LRRC4C: variants seen among roughly 807,000 people sequenced by gnomAD.
The protein encoded by LRRC4C is leucine-rich repeat-containing protein 4C.
A neutral mutation model predicts 33.6 loss-of-function variants in LRRC4C; 5 were observed. The ratio of observed to expected loss-of-function variants is 0.15; its 90% CI spans 0.08 to 0.31. The LOEUF (loss-of-function observed/expected upper bound fraction) is 0.31. LRRC4C is among the 10% of genes least tolerant of loss of function. The probability of loss-of-function intolerance (pLI) is 1.00; values close to 1 mark genes in which losing one functional copy is unlikely to be tolerated. For synonymous variants in LRRC4C, 329 were observed against 302.0 expected, an observed-to-expected ratio of 1.09 and a Z score of -0.93; for missense variants, 560 against 796.7, an observed-to-expected ratio of 0.70 and a Z score of 3.58.
chr11:40,764,791 C>A (rs1356324001), intron 2 of LRRC4C, among the ~76,000 whole-genome samples: 2 of 152,034 alleles, frequency 1.3e-5, no homozygotes, highest in African/African-American at 4.8e-5. Context: ...GAATTTCTGC[C>A]TAGTAATCCA....
chr11:40,803,032 A>T (rs145722933), intron 2 of LRRC4C, among the ~76,000 whole-genome samples: 223 of 152,324 alleles, frequency 1.5e-3, no homozygotes, highest in Non-Finnish European at 2.7e-3. Flanking sequence ...TAATTAGGGT[A>T]AATGGATCAC....
intron 2 of LRRC4C, among the ~76,000 whole-genome samples, chr11:40,857,316 T>G (rs1953838130): frequency 6.6e-6 from 1 of 152,168 alleles, no homozygotes; most frequent in South Asian, 2.1e-4. Flanking sequence ...TATTAAGCCC[T>G]GCATGCATTA....
At chr11:40,501,521 T>C (rs1954770873) in intron 3 of LRRC4C, among the ~76,000 whole-genome samples, 1 of 152,214 alleles carries the variant, frequency 6.6e-6, no homozygotes. Flanking sequence ...ATGACTTCTG[T>C]GCACCTGCAG....
At chr11:40,261,018 C>T (rs1867669822) in intron 4 of LRRC4C, among the ~76,000 whole-genome samples, 1 of 152,074 alleles carries the variant, frequency 6.6e-6, no homozygotes, top group Non-Finnish European at 1.5e-5. Flanking sequence ...GTAGCTAGGA[C>T]TACTGGCAAG....
rs1864704343 is a variant in LRRC4C, at chr11:40,225,271, C to CT, written c.-96+16247dup. Among the ~76,000 whole-genome samples, 5 of 152,202 alleles carry CT rather than the reference C, an allele frequency of 3.3e-5. No homozygotes were observed. The South Asian group carries it at 1.0e-3, about 32-fold the overall frequency. ...ACAGGGATGATGTGGCCTCTGGAGA[C>CT]TTTAACATTAACTAATTAAGCTGAC... is the stretch of plus-strand genomic sequence containing the variant. On this transcript the variant is annotated intron_variant, in intron 5 of 6. Transcript: ENST00000528697.
chr11:40,891,358 T>C (rs970982044), intron 2 of LRRC4C, among the ~76,000 whole-genome samples: 6 of 152,180 alleles, frequency 3.9e-5, no homozygotes, highest in African/African-American at 1.4e-4. Flanking sequence ...TCTAAAAGTA[T>C]TATTTTATTA....
At chr11:40,310,448 T>A (rs1172667565) in intron 4 of LRRC4C, among the ~76,000 whole-genome samples, 1 of 152,174 alleles carries the variant, frequency 6.6e-6, no homozygotes, top group Non-Finnish European at 1.5e-5. Context: ...CTTGCCACAA[T>A]TTATAGGCTA....
intron 3 of LRRC4C, among the ~76,000 whole-genome samples, chr11:40,457,128 A>G (rs1952172753): frequency 6.6e-6 from 1 of 150,512 alleles, no homozygotes; most frequent in Non-Finnish European, 1.5e-5. Flanking sequence ...AAAAAAAAAC[A>G]GTTACTTGAG....
intron 5 of LRRC4C, among the ~76,000 whole-genome samples, chr11:40,157,925 A>G (rs533739504): frequency 3.3e-5 from 5 of 152,164 alleles, no homozygotes; most frequent in Non-Finnish European, 7.4e-5. Flanking sequence ...GATTACCCAG[A>G]GGAAAAGAAG....
At chr11:40,620,479 A>G (rs1292963638) in intron 3 of LRRC4C, among the ~76,000 whole-genome samples, 2 of 151,772 alleles carry the variant, frequency 1.3e-5, no homozygotes, top group African/African-American at 2.4e-5. Context: ...AGCTCCCTGA[A>G]TTTCTTTGAT....
intron 1 of LRRC4C, among the ~76,000 whole-genome samples, chr11:41,097,668 C>G (rs1940899289): frequency 6.6e-6 from 1 of 152,098 alleles, no homozygotes; most frequent in African/African-American, 2.4e-5. Context: ...TTTTATCAGT[C>G]CCCTAAAGGA....
chr11:40,349,667 T>C (rs1231762601), intron 3 of LRRC4C, among the ~76,000 whole-genome samples: 6 of 152,208 alleles, frequency 3.9e-5, no homozygotes, highest in Non-Finnish European at 7.3e-5. Context: ...TTATAGTGAC[T>C]GTACTAATTT....
chr11:40,812,658 T>A (rs1194473376), intron 2 of LRRC4C, among the ~76,000 whole-genome samples: 1 of 152,062 alleles, frequency 6.6e-6, no homozygotes, highest in Non-Finnish European at 1.5e-5. Flanking sequence ...GAAAATGTGA[T>A]AAGATATCAT....
intron 1 of LRRC4C, among the ~76,000 whole-genome samples, chr11:41,227,834 T>G (rs183643354): frequency 6.6e-6 from 1 of 152,166 alleles, no homozygotes; most frequent in Admixed American, 6.6e-5. Flanking sequence ...ACTATTGGAT[T>G]GATACAGTCT....
At position 41,317,168 on chromosome 11, in the gene LRRC4C, T is replaced by TCAC. The variant is rs376674931; in HGVS notation, c.-496+142262_-496+142263insGTG. On this transcript the variant is annotated intron_variant, in intron 1 of 6. Transcript: ENST00000528697. ...TCACTCCAAATTAGTCTAGATCAGG[T>TCAC]CAACCTGGGTTCAGTTCTAGTTTCC... is the stretch of plus-strand genomic sequence containing the variant. 2.2e-3 allele frequency among the ~76,000 whole-genome samples: 335 copies of TCAC among 152,296 alleles called. 1 individual carries two copies. Among genetic ancestry groups the TCAC allele is most frequent in the African/African-American group, 6.5e-3 (270 of 41,570 alleles).
At chr11:40,603,207 GC>G (rs1205816253) in intron 3 of LRRC4C, among the ~76,000 whole-genome samples, 1 of 152,094 alleles carries the variant, frequency 6.6e-6, no homozygotes, top group East Asian at 1.9e-4. Flanking sequence ...AACCACTGAG[GC>G]ATAATTCTTT....
intron 4 of LRRC4C, among the ~76,000 whole-genome samples, chr11:40,246,462 A>G (rs953461811): frequency 1.3e-5 from 2 of 152,176 alleles, no homozygotes; most frequent in African/African-American, 4.8e-5. Context: ...ATGGCATTTC[A>G]TTTAGATGCT....
chr11:40,477,596 G>A (rs1269166167), intron 3 of LRRC4C, among the ~76,000 whole-genome samples: 6 of 151,534 alleles, frequency 4.0e-5, no homozygotes, highest in Admixed American at 3.9e-4. Flanking sequence ...TTTAAATATG[G>A]TTTGATTTCC....
rs561712794 is a variant in LRRC4C at position 40,306,321 on chromosome 11, C to T, written c.-176+13307G>A. ...CCTTGAACTAATTGCTTTCCCTTTC[C>T]GTGTCTCAGTTTGTCTGTTTTAAAT... On this transcript the variant is annotated intron_variant, in intron 4 of 6. Coordinates refer to ENST00000528697, the MANE Select transcript of LRRC4C (RefSeq NM_001258419.2). Among the ~76,000 whole-genome samples, 10 of 152,216 alleles carry T rather than the reference C, an allele frequency of 6.6e-5. No individual in the cohort carries two copies. In the South Asian group the frequency reaches 1.0e-3, roughly 16 times the overall value.
Sources: allele counts gnomAD v4.1 joint callset (sites outside exome capture counted in the v4.1 genomes callset), GRCh38; gene constraint gnomAD v4.1.1; transcripts MANE v1.5; gene names NCBI Gene and HGNC (gene_info 2026-07-23, HGNC 2026-07-21).